The following TRIB2 variants were observed in gnomAD, a reference collection of about 807,000 sequenced individuals.
TRIB2 encodes the protein tribbles homolog 2.
A neutral mutation model predicts 26.8 loss-of-function variants in TRIB2; 2 were observed. That is an observed-to-expected ratio of 0.07 (90% CI 0.03 to 0.24). TRIB2 has a LOEUF of 0.24. Ranked by LOEUF, TRIB2 falls within the 10% of genes least tolerant of loss-of-function variation. The pLI, the probability that TRIB2 is intolerant of heterozygous loss-of-function variation, is 1.00. For missense variants in TRIB2, 306 were observed against 449.0 expected, an observed-to-expected ratio of 0.68 and a Z score of 2.88; for synonymous variants, 189 against 187.3, an observed-to-expected ratio of 1.01 and a Z score of -0.08.
chr2:12,728,981 A>G (rs1661393521), intron 2 of TRIB2, among the ~76,000 whole-genome samples: 1 of 152,324 alleles, frequency 6.6e-6, no homozygotes, highest in African/African-American at 2.4e-5. Context: ...TTCTTTCATT[A>G]AAAGCTGTGT....
intron 1 of TRIB2, among the ~76,000 whole-genome samples, chr2:12,719,529 G>A (rs1437726722): frequency 6.6e-6 from 1 of 151,302 alleles, no homozygotes; most frequent in Non-Finnish European, 1.5e-5. Context: ...CCCAGAATTG[G>A]ACCTAGATCA....
Position 12,717,276 on chromosome 2 carries a change from A to T in TRIB2, c.-1032A>T, listed in dbSNP as rs1050349031. 3 of 397,976 alleles carry T rather than the reference A, an allele frequency of 7.5e-6. No homozygotes were observed. The highest frequency in any genetic ancestry group is 1.3e-5 in the Non-Finnish European group (3 of 225,778). The allele number at this position is 397,976 out of a possible 1,614,324, so 24.7% of individuals were successfully genotyped here. On this transcript the variant is annotated 5_prime_UTR_variant, in exon 1 of 3. Transcript: ENST00000155926. The surrounding 1 kb of genome is among the most constrained non-coding windows in gnomAD (Gnocchi z 4.8). ...GGACGAGATCCAGTTCTCCAGCGGG[A>T]AAGGGGCAAAGGAACGCCGCGCGTT... is the stretch of plus-strand genomic sequence containing the variant.
In TRIB2 at chr2:12,717,255, G is replaced by T. The variant is rs1363352099; in HGVS notation, c.-1053G>T. 2.5e-6 allele frequency: 1 copy of T among 397,774 alleles called. No individual in the cohort carries two copies. The highest frequency in any genetic ancestry group is 4.4e-6 in the Non-Finnish European group (1 of 225,724). The allele number at this position is 397,774 out of a possible 1,614,324, so 24.6% of individuals were successfully genotyped here. A position where few individuals can be genotyped will look rare whatever the true frequency, so the allele number is the denominator to read the frequency against. On this transcript the variant is annotated 5_prime_UTR_variant, in exon 1 of 3. Transcript: ENST00000155926. The surrounding 1 kb of genome is among the most constrained non-coding windows in gnomAD (Gnocchi z 4.8). The stretch of plus-strand genomic sequence containing the variant: ...GGGTGATTGCAAATTATTCCAGGAC[G>T]AGATCCAGTTCTCCAGCGGGAAAGG...
At chr2:12,719,576 G>GTTTT (rs11431277) in intron 1 of TRIB2, among the ~76,000 whole-genome samples, 15 of 138,366 alleles carry the variant, frequency 1.1e-4, no homozygotes, top group African/African-American at 3.8e-4. Context: ...TTTGCTGACT[G>GTTTT]TTTTTTTTTT....
intron 2 of TRIB2, among the ~76,000 whole-genome samples, chr2:12,737,602 C>T: frequency 6.6e-6 from 1 of 152,200 alleles, no homozygotes; most frequent in East Asian, 1.9e-4. Flanking sequence ...GTAGATCCTT[C>T]CTGTTTTTGT....
chr2:12,730,779 A>G (rs1215850551), intron 2 of TRIB2, among the ~76,000 whole-genome samples: 1 of 152,190 alleles, frequency 6.6e-6, no homozygotes, highest in African/African-American at 2.4e-5. Flanking sequence ...AGAAAAATCA[A>G]CTAGCCATAT....
At chr2:12,719,478 A>C (rs1666677311) in intron 1 of TRIB2, among the ~76,000 whole-genome samples, 1 of 152,028 alleles carries the variant, frequency 6.6e-6, no homozygotes, top group South Asian at 2.1e-4. Flanking sequence ...GGGGCGAAAT[A>C]GTTGCGAAAA....
chr2:12,740,819 A>G lies in TRIB2; in HGVS notation c.*25A>G, dbSNP rs1572487451. ...AGCTCATGCCCCACGGAGACTTAGC[A>G]GGTTCCAGGAGTGAGCGAGGGCAGC... On this transcript the variant is annotated 3_prime_UTR_variant, in exon 3 of 3. Transcript: ENST00000155926. This position sits in a 1 kb window ranked among gnomAD's most constrained non-coding sequence, Gnocchi z 5.8. The G allele has an allele frequency of 6.3e-6, 10 of 1,592,726 alleles. No individual in the cohort carries two copies. The highest frequency in any genetic ancestry group is 8.6e-6 in the Non-Finnish European group (10 of 1,166,316).
chr2:12,723,425 A>G lies in TRIB2; in HGVS notation c.436A>G (p.Lys146Glu). The G allele has an allele frequency of 2.5e-6, 4 of 1,614,218 alleles. No homozygotes were observed. The highest frequency in any genetic ancestry group is 3.4e-6 in the Non-Finnish European group (4 of 1,180,040). The change falls in exon 2 of 3, where the codon AAG becomes GAG. Residue 146 changes from lysine (K) to glutamate (E), a missense_variant. By Grantham distance (56) the Lys-to-Glu change is moderately conservative. Coordinates refer to ENST00000155926, the MANE Select transcript of TRIB2 (RefSeq NM_021643.4). ...GCATTCCTTCGTCCGCACCTGCAAGAAGCTGAGAGAGGAGGAGGCAGCCAG... is the reference window on the plus strand; with the variant it reads ...GCATTCCTTCGTCCGCACCTGCAAGGAGCTGAGAGAGGAGGAGGCAGCCAG... The part of the protein sequence containing the change: ...DMHSFVRTCK[K>E]LREEEAARLF...
At position 12,740,825 on chromosome 2, in the gene TRIB2, CA is replaced by C. The variant is rs753024028; in HGVS notation, c.*32del. On this transcript the variant is annotated 3_prime_UTR_variant, in exon 3 of 3. Coordinates refer to ENST00000155926, the MANE Select transcript of TRIB2 (RefSeq NM_021643.4). This position sits in a 1 kb window ranked among gnomAD's most constrained non-coding sequence, Gnocchi z 5.8. Reference sequence around the variant, plus strand: ...TGCCCCACGGAGACTTAGCAGGTTCCAGGAGTGAGCGAGGGCAGCGGAAAGG... The same window carrying C: ...TGCCCCACGGAGACTTAGCAGGTTCCGGAGTGAGCGAGGGCAGCGGAAAGG... The C allele has an allele frequency of 2.5e-6, 4 of 1,589,204 alleles. No individual in the cohort carries two copies. In the South Asian group the frequency reaches 4.5e-5, roughly 18 times the overall value.
intron 2 of TRIB2, among the ~76,000 whole-genome samples, chr2:12,727,264 G>A (rs1354157372): frequency 6.6e-6 from 1 of 152,154 alleles, no homozygotes; most frequent in Non-Finnish European, 1.5e-5. Context: ...GTGACTCACC[G>A]GGCAGGGCAG....
chr2:12,735,222 A>G (rs1379468922), intron 2 of TRIB2, among the ~76,000 whole-genome samples: 1 of 152,208 alleles, frequency 6.6e-6, no homozygotes, highest in East Asian at 1.9e-4. Flanking sequence ...GAAGGAAGCA[A>G]GGTCAAAAGA....
intron 2 of TRIB2, among the ~76,000 whole-genome samples, chr2:12,727,023 T>C (rs541264268): frequency 1.4e-4 from 21 of 152,304 alleles, no homozygotes; most frequent in African/African-American, 5.1e-4. Context: ...CACCCAGCGT[T>C]ATGTTTGGAC....
intron 2 of TRIB2, among the ~76,000 whole-genome samples, chr2:12,731,358 C>G (rs1013333452): frequency 1.3e-5 from 2 of 152,132 alleles, no homozygotes; most frequent in African/African-American, 4.8e-5. Context: ...CTGAAAGACA[C>G]ACCCCTCACC....
rs10203137 is a variant in TRIB2, at chr2:12,725,545, A to C, written c.563+1993A>C. Among the ~76,000 whole-genome samples, 796 of 152,122 alleles carry C rather than the reference A, an allele frequency of 5.2e-3. 6 individuals are homozygous for C. Among genetic ancestry groups the C allele is most frequent in the Admixed American group, 7.8e-3 (119 of 15,296 alleles). ...TTTGCTTCTCCTTTATGAGTGTGTCATCACACGCCAAAATCCTTGATGTCC... is the reference window on the plus strand; with the variant it reads ...TTTGCTTCTCCTTTATGAGTGTGTCCTCACACGCCAAAATCCTTGATGTCC... On this transcript the variant is annotated intron_variant, in intron 2 of 2. Transcript: ENST00000155926.
Position 12,717,079 on chromosome 2 carries a change from A to G in TRIB2, c.-1229A>G, listed in dbSNP as rs1666607461. 1 of 254,128 alleles carries G rather than the reference A, an allele frequency of 3.9e-6. No individual in the cohort carries two copies. The highest frequency in any genetic ancestry group is 7.1e-5 in the East Asian group (1 of 14,066). The allele number at this position is 254,128 out of a possible 1,614,324, so 15.7% of individuals were successfully genotyped here. On this transcript the variant is annotated 5_prime_UTR_variant, in exon 1 of 3. Coordinates refer to ENST00000155926, the MANE Select transcript of TRIB2 (RefSeq NM_021643.4). This position sits in a 1 kb window ranked among gnomAD's most constrained non-coding sequence, Gnocchi z 4.8. Reference sequence around the variant, plus strand: ...CTGAGCGCGGGGATTGGCCTCGGGCACCGTCGGCCGTCCCCTTTAATTTTT... The same window carrying G: ...CTGAGCGCGGGGATTGGCCTCGGGCGCCGTCGGCCGTCCCCTTTAATTTTT...
chr2:12,728,284 T>G (rs1401078808), intron 2 of TRIB2, among the ~76,000 whole-genome samples: 1 of 152,208 alleles, frequency 6.6e-6, no homozygotes, highest in African/African-American at 2.4e-5. Context: ...TAGCACACAG[T>G]CAGCCATCAG....
At position 12,732,139 on chromosome 2, in the gene TRIB2, G is replaced by T. The variant is rs1353782706; in HGVS notation, c.564-8187G>T. ...TGCAGGCTGTGCTTGTGTGGTGTCT[G>T]CATGGGGGCGTGGGAAGGTGTTCGG... On this transcript the variant is annotated intron_variant, in intron 2 of 2. Transcript: ENST00000155926. The surrounding 1 kb of genome is among the most constrained non-coding windows in gnomAD (Gnocchi z 4.2). Among the ~76,000 whole-genome samples the T allele has an allele frequency of 6.6e-6, 1 of 152,162 alleles. No individual in the cohort carries two copies. Among genetic ancestry groups the T allele is most frequent in the African/African-American group, 2.4e-5 (1 of 41,432 alleles).
chr2:12,738,161 G>A (rs1415264126), intron 2 of TRIB2, among the ~76,000 whole-genome samples: 1 of 152,166 alleles, frequency 6.6e-6, no homozygotes, highest in African/African-American at 2.4e-5. Flanking sequence ...GCAATCTTTT[G>A]GTTAATTTGA....
Sources: allele counts gnomAD v4.1 joint callset (sites outside exome capture counted in the v4.1 genomes callset), GRCh38; gene constraint gnomAD v4.1.1; non-coding constraint Gnocchi (gnomAD v3.1); transcripts MANE v1.5; gene names NCBI Gene and HGNC (gene_info 2026-07-23, HGNC 2026-07-21).